Variants in DNAH9 observed in about 807,000 individuals in gnomAD.
DNAH9 encodes dynein axonemal heavy chain 9, also known as DNAH9 variant protein.
Under a neutral mutation model 471.6 loss-of-function variants are expected in DNAH9, and 345 were observed. The ratio of observed to expected loss-of-function variants is 0.73; its 90% CI spans 0.67 to 0.80. The LOEUF (loss-of-function observed/expected upper bound fraction) is 0.80. DNAH9 is among the 30% of genes least tolerant of loss of function. The probability of loss-of-function intolerance (pLI) is 0.00; values close to 1 mark genes in which losing one functional copy is unlikely to be tolerated. For missense variants in DNAH9, 5,407 were observed against 5,609.2 expected (o/e 0.96, Z 1.15); for synonymous variants, 2,093 against 2,123.6 (o/e 0.99, Z 0.40).
Position 11,651,160 on chromosome 17 carries a change from A to G in DNAH9, c.2189A>G (p.Asp730Gly). The change falls in exon 13 of 69, where the codon GAT (aspartate) becomes GGT (glycine). Residue 730 changes from aspartate to glycine, a missense_variant. Asp to Gly is a moderately conservative substitution (Grantham distance 94). Coordinates refer to ENST00000262442, the MANE Select transcript of DNAH9 (RefSeq NM_001372.4). ...GCAGCAGCCATGTTCTCCTCCAGGG[A>G]TTTCTATCGGCAGCTTGTGGCTAAT... is the stretch of plus-strand genomic sequence containing the variant. ...ETAAAMFSSR[D>G]FYRQLVANLE... 1 of 1,614,126 alleles carries G rather than the reference A, an allele frequency of 6.2e-7. No individual in the cohort carries two copies. Among genetic ancestry groups the G allele is most frequent in the Non-Finnish European group, 8.5e-7 (1 of 1,179,992 alleles).
rs752033587 is a variant in DNAH9, at chr17:11,932,243, G to A, written c.12297+38G>A. The A allele has an allele frequency of 6.3e-7, 1 of 1,598,388 alleles. No homozygotes were observed. Among genetic ancestry groups the A allele is most frequent in the Non-Finnish European group, 8.5e-7 (1 of 1,170,354 alleles). ...GACATTCAGGGACCAGCCAGGTTGG[G>A]AGAGGGTTAAAATTATTTAATTTTG... On this transcript the variant is annotated intron_variant, in intron 64 of 68. Transcript: ENST00000262442. This position sits in a 1 kb window ranked among gnomAD's most constrained non-coding sequence, Gnocchi z 4.3.
intron 67 of DNAH9, among the ~76,000 whole-genome samples, chr17:11,949,025 A>C (rs1975258170): frequency 6.6e-6 from 1 of 152,208 alleles, no homozygotes; most frequent in African/African-American, 2.4e-5. Context: ...TCCTGGCCTC[A>C]TTCCCAGAGG....
At chr17:11,960,253 T>C (rs529705238) in intron 67 of DNAH9, among the ~76,000 whole-genome samples, 2 of 151,600 alleles carry the variant, frequency 1.3e-5, no homozygotes, top group South Asian at 2.1e-4. Flanking sequence ...ATGGCCAACA[T>C]GGTGAAACCC....
chr17:11,886,696 C>A, intron 56 of DNAH9, 129 bp from the exon 57 acceptor site: 1 of 1,161,154 alleles, frequency 8.6e-7, no homozygotes, highest in Non-Finnish European at 1.2e-6. Context: ...AACTTTCTAC[C>A]CATCATCCCC....
intron 49 of DNAH9, among the ~76,000 whole-genome samples, chr17:11,838,626 C>T (rs1310310067): frequency 6.6e-6 from 1 of 152,024 alleles, no homozygotes; most frequent in Non-Finnish European, 1.5e-5. Flanking sequence ...AAGTGGGTGG[C>T]TTAGAAGGTG....
At chr17:11,632,742 A>C in intron 8 of DNAH9, 39 bp downstream of exon 8, 1 of 960,610 alleles carries the variant, frequency 1.0e-6, no homozygotes, top group Non-Finnish European at 1.7e-6. Flanking sequence ...GGTCCTGGAT[A>C]CTCCCCCGGC....
At chr17:11,811,955 A>G (rs867968795) in intron 45 of DNAH9, among the ~76,000 whole-genome samples, 7 of 125,162 alleles carry the variant, frequency 5.6e-5, no homozygotes, top group Admixed American at 9.6e-5. Flanking sequence ...ATGCCACTGC[A>G]CTCCAGTCTG....
chr17:11,764,504 C>A (rs1967848351), intron 36 of DNAH9, among the ~76,000 whole-genome samples: 1 of 151,912 alleles, frequency 6.6e-6, no homozygotes, highest in Non-Finnish European at 1.5e-5. Context: ...AAATTTTGTA[C>A]CCTTTGACCT....
Position 11,937,265 on chromosome 17 carries a change from A to G in DNAH9, c.12490-87A>G, listed in dbSNP as rs1311504737. 7 of 1,492,378 alleles carry G rather than the reference A, an allele frequency of 4.7e-6. No homozygotes were observed. The highest frequency in any genetic ancestry group is 2.3e-5 in the East Asian group (1 of 43,746). The allele number at this position is 1,492,378 out of a possible 1,614,324, so 92.4% of individuals were successfully genotyped here. Reference sequence around the variant, plus strand: ...TCCCCTGGAGGAGGGATACTAGCCCATGGACTCCCTGCAGAGGACAAGCCG... The same window carrying G: ...TCCCCTGGAGGAGGGATACTAGCCCGTGGACTCCCTGCAGAGGACAAGCCG... On this transcript the variant is annotated intron_variant, in intron 65 of 68. Coordinates refer to ENST00000262442, the MANE Select transcript of DNAH9 (RefSeq NM_001372.4). The surrounding 1 kb of genome is among the most constrained non-coding windows in gnomAD (Gnocchi z 4.1).
intron 60 of DNAH9, among the ~76,000 whole-genome samples, chr17:11,905,198 C>T (rs1973549754): frequency 6.7e-6 from 1 of 149,766 alleles, no homozygotes; most frequent in Non-Finnish European, 1.5e-5. Flanking sequence ...TGTGCCACTG[C>T]AGTCCAGCCT....
In DNAH9 at chr17:11,933,863, T is replaced by C; in HGVS notation, c.12298-17T>C. 1 of 1,600,296 alleles carries C rather than the reference T, an allele frequency of 6.2e-7. No individual in the cohort carries two copies. The highest frequency in any genetic ancestry group is 1.1e-5 in the South Asian group (1 of 89,466). ...AGGTCTTTCTTCCTTCCTCTCTTTCTTTCCCCCATCACTCAGGTCCCCTAT... is the reference window on the plus strand; with the variant it reads ...AGGTCTTTCTTCCTTCCTCTCTTTCCTTCCCCCATCACTCAGGTCCCCTAT... On this transcript the variant is annotated splice_polypyrimidine_tract_variant and intron_variant, in intron 64 of 68. Coordinates refer to ENST00000262442, the MANE Select transcript of DNAH9 (RefSeq NM_001372.4).
intron 12 of DNAH9, among the ~76,000 whole-genome samples, chr17:11,649,160 C>G (rs567916951): frequency 6.2e-4 from 94 of 151,764 alleles, no homozygotes; most frequent in South Asian, 5.0e-3. Context: ...CAGTAACACA[C>G]TTATCTTATT....
chr17:11,855,445 T>C (rs536424392), intron 50 of DNAH9, among the ~76,000 whole-genome samples: 50 of 152,282 alleles, frequency 3.3e-4, no homozygotes, highest in African/African-American at 1.2e-3. Context: ...TGTGGAGTCT[T>C]TGTGTGAGAA....
chr17:11,658,770 C>T (rs78902415), intron 14 of DNAH9, among the ~76,000 whole-genome samples: 1,752 of 152,088 alleles, frequency 0.012, 41 homozygotes, highest in East Asian at 0.096. Context: ...TAATTTTACT[C>T]CTTTTTTCTG....
chr17:11,841,923 A>G (rs1971048636), intron 49 of DNAH9, among the ~76,000 whole-genome samples: 2 of 152,142 alleles, frequency 1.3e-5, no homozygotes, highest in African/African-American at 4.8e-5. Context: ...TTACCTACTC[A>G]GATCCTATGC....
rs1973076776 is a variant in DNAH9 at position 11,892,261 on chromosome 17, G to A, written c.11283+314G>A. On this transcript the variant is annotated intron_variant, in intron 58 of 68. Coordinates refer to ENST00000262442, the MANE Select transcript of DNAH9 (RefSeq NM_001372.4). This position sits in a 1 kb window ranked among gnomAD's most constrained non-coding sequence, Gnocchi z 4.3. ...AAAACTGGCACTGAAGATGAAACTA[G>A]ATGAAACCATACCAATAACCAGACG... Among the ~76,000 whole-genome samples, 1 of 152,188 alleles carries A rather than the reference G, an allele frequency of 6.6e-6. No individual in the cohort carries two copies. The highest frequency in any genetic ancestry group is 2.4e-5 in the African/African-American group (1 of 41,446).
intron 62 of DNAH9, among the ~76,000 whole-genome samples, chr17:11,928,922 C>T (rs1229761394): frequency 6.7e-6 from 1 of 150,274 alleles, no homozygotes; most frequent in Non-Finnish European, 1.5e-5. Flanking sequence ...GTACTGCCAA[C>T]AATGTTGATC....
intron 68 of DNAH9, among the ~76,000 whole-genome samples, chr17:11,967,848 AAAAT>A (rs1976868724): frequency 1.3e-5 from 2 of 152,222 alleles, no homozygotes; most frequent in Non-Finnish European, 2.9e-5. Context: ...TTGTTACTGA[AAAAT>A]AAATAGGATA....
chr17:11,950,587 T>TC (rs1428093212), intron 67 of DNAH9, among the ~76,000 whole-genome samples: 1 of 152,146 alleles, frequency 6.6e-6, no homozygotes, highest in East Asian at 1.9e-4. Flanking sequence ...CAGGCTGGTC[T>TC]CCAACTACTG....
Sources: allele counts gnomAD v4.1 joint callset (sites outside exome capture counted in the v4.1 genomes callset), GRCh38; gene constraint gnomAD v4.1.1; non-coding constraint Gnocchi (gnomAD v3.1); transcripts MANE v1.5; gene names NCBI Gene and HGNC (gene_info 2026-07-23, HGNC 2026-07-21).